The following IL1RAPL1 variants were observed in gnomAD, a reference collection of about 807,000 sequenced individuals.
IL1RAPL1 encodes the protein interleukin 1 receptor accessory protein like 1, also known as interleukin-1 receptor accessory protein-like 1.
IL1RAPL1 carries 3 observed loss-of-function variants against 48.4 expected under a neutral mutation model. The observed-to-expected ratio is 0.06, with a 90% CI of 0.03 to 0.16. The LOEUF (loss-of-function observed/expected upper bound fraction) is 0.16. IL1RAPL1 is among the 10% of genes least tolerant of loss of function. IL1RAPL1 has a pLI of 1.00. For synonymous variants in IL1RAPL1, 185 were observed against 187.7 expected, an observed-to-expected ratio of 0.99 and a Z score of 0.12; for missense variants, 349 against 530.6, an observed-to-expected ratio of 0.66 and a Z score of 3.36.
At chrX:29,415,917 A>G (rs1934209865) in intron 5 of IL1RAPL1, among the ~76,000 whole-genome samples, 1 of 112,249 alleles carries the variant, frequency 8.9e-6, no homozygotes, top group South Asian at 3.7e-4. Flanking sequence ...AAAATGAACA[A>G]CAGTGCATAG....
At chrX:29,437,320 CTG>C (rs1442963398) in intron 5 of IL1RAPL1, among the ~76,000 whole-genome samples, 17 of 110,864 alleles carry the variant, frequency 1.5e-4, no homozygotes, top group African/African-American at 5.5e-4. Context: ...ATGTGAGCCT[CTG>C]TTAGCACAGG....
intron 1 of IL1RAPL1, among the ~76,000 whole-genome samples, chrX:28,755,219 C>T (rs1294496960): frequency 1.8e-5 from 2 of 111,371 alleles, no homozygotes; most frequent in Non-Finnish European, 3.8e-5. Flanking sequence ...TGGTCTCAAA[C>T]TCCTGACCTC....
At chrX:28,792,459 A>T (rs1312843067) in intron 2 of IL1RAPL1, among the ~76,000 whole-genome samples, 2 of 109,723 alleles carry the variant, frequency 1.8e-5, no homozygotes, top group African/African-American at 6.7e-5. Context: ...ATTGGCTTAC[A>T]GTCCCATCGC....
chrX:29,583,845 T>C (rs1442090871), intron 5 of IL1RAPL1, among the ~76,000 whole-genome samples: 2 of 111,661 alleles, frequency 1.8e-5, no homozygotes, highest in Non-Finnish European at 3.8e-5. Context: ...ACATTGGGCA[T>C]CAGATTCAGG....
At chrX:28,757,374 G>GT (rs921745812) in intron 1 of IL1RAPL1, among the ~76,000 whole-genome samples, 5 of 112,693 alleles carry the variant, frequency 4.4e-5, no homozygotes, top group Non-Finnish European at 7.5e-5. Flanking sequence ...AGGTTTGTTA[G>GT]TTTTTTATCA....
chrX:29,630,088 A>C (rs1009570174), intron 5 of IL1RAPL1, among the ~76,000 whole-genome samples: 1 of 112,239 alleles, frequency 8.9e-6, no homozygotes. Context: ...TGGAAGCTGG[A>C]AAGTCCCAGA....
chrX:29,908,641 T>C (rs1932697129), intron 6 of IL1RAPL1, among the ~76,000 whole-genome samples: 1 of 111,670 alleles, frequency 9.0e-6, no homozygotes, highest in Non-Finnish European at 1.9e-5. Flanking sequence ...TAACTCAAAC[T>C]ATAGAGAATT....
At chrX:28,906,021 C>T (rs924467238) in intron 2 of IL1RAPL1, among the ~76,000 whole-genome samples, 15 of 111,928 alleles carry the variant, frequency 1.3e-4, no homozygotes, top group African/African-American at 3.9e-4. Context: ...CACATGGCTG[C>T]GGAGGCCTCA....
intron 5 of IL1RAPL1, among the ~76,000 whole-genome samples, chrX:29,408,999 T>TA (rs1303313366): frequency 8.9e-6 from 1 of 112,233 alleles, no homozygotes. Flanking sequence ...TGGATGTAAT[T>TA]AAGCAGTGTA....
chrX:28,836,167 A>C (rs1191250155), intron 2 of IL1RAPL1, among the ~76,000 whole-genome samples: 3 of 109,643 alleles, frequency 2.7e-5, no homozygotes, highest in Non-Finnish European at 5.7e-5. Flanking sequence ...CAGGCCTTAA[A>C]ACAGCTGCTA....
intron 1 of IL1RAPL1, among the ~76,000 whole-genome samples, chrX:28,763,627 A>G (rs1569167251): frequency 1.8e-5 from 2 of 111,546 alleles, no homozygotes; most frequent in African/African-American, 3.3e-5. Flanking sequence ...AGCCGTACTT[A>G]CCTCAGAATC....
At chrX:28,632,201 G>T (rs1317905450) in intron 1 of IL1RAPL1, among the ~76,000 whole-genome samples, 1 of 111,398 alleles carries the variant, frequency 9.0e-6, no homozygotes, top group East Asian at 2.8e-4. Flanking sequence ...GTGGTTTCTG[G>T]TGAGGCCTCA....
At position 29,677,712 on chromosome X, in the gene IL1RAPL1, TC is replaced by T. The variant is rs1926325266; in HGVS notation, c.778+9210del. On this transcript the variant is annotated intron_variant, in intron 6 of 10. Transcript: ENST00000378993. ...CGTTGTTTATTAATGGAAACAAATGTCCTCATTGTGACTTTCTGCCTCCTCT... is the reference window on the plus strand; with the variant it reads ...CGTTGTTTATTAATGGAAACAAATGTCTCATTGTGACTTTCTGCCTCCTCT... 2.7e-5 allele frequency among the ~76,000 whole-genome samples: 3 copies of T among 112,289 alleles called. No homozygotes were observed. The South Asian group carries it at 1.1e-3, about 42-fold the overall frequency.
intron 2 of IL1RAPL1, among the ~76,000 whole-genome samples, chrX:28,793,357 T>C (rs1338794381): frequency 9.1e-6 from 1 of 109,624 alleles, no homozygotes; most frequent in Non-Finnish European, 1.9e-5. Context: ...CTTCCTCCCT[T>C]CTTTCCCTTT....
intron 2 of IL1RAPL1, among the ~76,000 whole-genome samples, chrX:29,280,937 T>C (rs1932192039): frequency 1.8e-5 from 2 of 112,182 alleles, no homozygotes; most frequent in African/African-American, 6.5e-5. Flanking sequence ...TTCAAATGCC[T>C]CAGTTTATAT....
At chrX:29,643,371 T>A (rs957728922) in intron 5 of IL1RAPL1, among the ~76,000 whole-genome samples, 1 of 111,817 alleles carries the variant, frequency 8.9e-6, no homozygotes, top group Non-Finnish European at 1.9e-5. Context: ...GATCTGCCAG[T>A]CATTGATGAG....
chrX:29,902,720 C>T lies in IL1RAPL1; in HGVS notation c.779-14744C>T, dbSNP rs961468605. ...CATGGGTACTATAAATTTATATTAA[C>T]TTAATTAACTCCAAGTTATTTGTTG... On this transcript the variant is annotated intron_variant, in intron 6 of 10. Coordinates refer to ENST00000378993, the MANE Select transcript of IL1RAPL1 (RefSeq NM_014271.4). Among the ~76,000 whole-genome samples the T allele has an allele frequency of 2.7e-5, 3 of 111,373 alleles. No individual in the cohort carries two copies. In the South Asian group the frequency reaches 1.1e-3, roughly 42 times the overall value.
chrX:28,969,828 CAT>C (rs762773500), intron 2 of IL1RAPL1, among the ~76,000 whole-genome samples: 18 of 90,851 alleles, frequency 2.0e-4, no homozygotes, highest in Non-Finnish European at 3.1e-4. Flanking sequence ...TCTTTAGAAA[CAT>C]ATATATGTTT....
intron 5 of IL1RAPL1, among the ~76,000 whole-genome samples, chrX:29,587,398 G>A (rs750162060): frequency 5.5e-5 from 6 of 110,032 alleles, no homozygotes; most frequent in African/African-American, 2.0e-4. Flanking sequence ...GGGGGCATTG[G>A]AGTATGTTGG....
Sources: allele counts gnomAD v4.1 joint callset (sites outside exome capture counted in the v4.1 genomes callset), GRCh38; gene constraint gnomAD v4.1.1; transcripts MANE v1.5; gene names NCBI Gene and HGNC (gene_info 2026-07-23, HGNC 2026-07-21).